Variants in CNTN6 observed in about 807,000 individuals in gnomAD.
CNTN6 encodes contactin 6.
A neutral mutation model predicts 122.8 loss-of-function variants in CNTN6; 137 were observed. The ratio of observed to expected loss-of-function variants is 1.12; its 90% CI spans 0.97 to 1.29. CNTN6 has a LOEUF of 1.29. Among genes scored for constraint, CNTN6 ranks in the 50% most tolerant of loss-of-function variants. The probability of loss-of-function intolerance (pLI) is 0.00; values close to 1 mark genes in which losing one functional copy is unlikely to be tolerated. For missense variants in CNTN6, 1,634 were observed against 1,223.4 expected (o/e 1.34, Z -5.01); for synonymous variants, 570 against 426.0 (o/e 1.34, Z -4.16).
intron 20 of CNTN6, among the ~76,000 whole-genome samples, chr3:1,395,116 A>G (rs79362259): frequency 0.024 from 3,676 of 152,146 alleles, 93 homozygotes; most frequent in Non-Finnish European, 0.035. Context: ...ATAGCCAACA[A>G]GCACCTGAGA....
intron 4 of CNTN6, among the ~76,000 whole-genome samples, chr3:1,228,335 A>C (rs1365048880): frequency 6.6e-6 from 1 of 152,082 alleles, no homozygotes; most frequent in African/African-American, 2.4e-5. Flanking sequence ...TGCAATGTGG[A>C]GAGCACAGGA....
intron 7 of CNTN6, among the ~76,000 whole-genome samples, chr3:1,300,508 A>G (rs575853497): frequency 4.2e-4 from 52 of 124,382 alleles, no homozygotes; most frequent in African/African-American, 2.0e-3. Flanking sequence ...GAAAAGAAAG[A>G]GAAAGAAAGA....
intron 1 of CNTN6, among the ~76,000 whole-genome samples, chr3:1,113,549 TAA>T (rs1370653476): frequency 2.0e-5 from 3 of 152,182 alleles, no homozygotes; most frequent in African/African-American, 7.2e-5. Flanking sequence ...AGAAGAAAGA[TAA>T]AGTCATCAAA....
At chr3:1,250,606 C>T (rs79609653) in intron 4 of CNTN6, among the ~76,000 whole-genome samples, 6,723 of 152,208 alleles carry the variant, frequency 0.044, 210 homozygotes, top group African/African-American at 0.061. Flanking sequence ...TCTTAGGTCA[C>T]CCCTCATTGC....
intron 5 of CNTN6, among the ~76,000 whole-genome samples, chr3:1,280,328 C>T (rs1373470436): frequency 1.3e-5 from 2 of 152,036 alleles, no homozygotes; most frequent in Non-Finnish European, 2.9e-5. Context: ...GTGAGGCCCT[C>T]ATTGTAACAG....
At chr3:1,289,341 G>T (rs866015157) in intron 5 of CNTN6, among the ~76,000 whole-genome samples, 7 of 152,294 alleles carry the variant, frequency 4.6e-5, no homozygotes, top group Admixed American at 1.3e-4. Context: ...GAAATACTAT[G>T]ACAGCAAAGA....
intron 16 of CNTN6, among the ~76,000 whole-genome samples, chr3:1,376,298 T>C (rs763809173): frequency 2.6e-5 from 4 of 152,072 alleles, no homozygotes; most frequent in Non-Finnish European, 5.9e-5. Flanking sequence ...TGTTAGTCCT[T>C]ACAAGGATAC....
intron 20 of CNTN6, among the ~76,000 whole-genome samples, chr3:1,386,312 A>ACTGT (rs1173153141): frequency 1.3e-5 from 2 of 152,182 alleles, no homozygotes; most frequent in Non-Finnish European, 2.9e-5. Flanking sequence ...TGATCCTACA[A>ACTGT]CTGTCAGACA....
At chr3:1,317,671 C>G (rs576134103) in intron 7 of CNTN6, among the ~76,000 whole-genome samples, 1 of 151,780 alleles carries the variant, frequency 6.6e-6, no homozygotes, top group South Asian at 2.1e-4. Context: ...ATCTCCTCTT[C>G]AAGAGCCATT....
rs2090324668 is a variant in CNTN6, at chr3:1,093,027, C to T, written c.-176C>T. 8.5e-6 allele frequency: 3 copies of T among 351,656 alleles called. No individual in the cohort carries two copies. The highest frequency in any genetic ancestry group is 4.3e-5 in the African/African-American group (2 of 46,710). 21.8% of individuals were successfully genotyped at this position (351,656 alleles called of 1,614,324 possible). On this transcript the variant is annotated 5_prime_UTR_variant, in exon 1 of 23. It adds an upstream start codon to the 5' untranslated region. Coordinates refer to ENST00000446702, the MANE Select transcript of CNTN6 (RefSeq NM_001289080.2). ...CTCCCAGCTGCATAGACATTCCATA[C>T]GGCTTGGTTCTGCCTGGACGCACAG...
At chr3:1,180,970 T>C (rs2093543457) in intron 2 of CNTN6, among the ~76,000 whole-genome samples, 1 of 152,188 alleles carries the variant, frequency 6.6e-6, no homozygotes, top group South Asian at 2.1e-4. Context: ...CTTTTTTTTC[T>C]TTGCATTTTT....
chr3:1,105,032 A>C (rs1277664466), intron 1 of CNTN6, among the ~76,000 whole-genome samples: 1 of 152,108 alleles, frequency 6.6e-6, no homozygotes, highest in Non-Finnish European at 1.5e-5. Context: ...CTTAAAAACA[A>C]ATTCCTAGTA....
At chr3:1,385,312 C>T (rs1331862256) in intron 19 of CNTN6, among the ~76,000 whole-genome samples, 2 of 152,014 alleles carry the variant, frequency 1.3e-5, no homozygotes, top group Non-Finnish European at 2.9e-5. Flanking sequence ...ACTTGTTATA[C>T]ATCATTTGCT....
At chr3:1,241,718 AC>A (rs1448813871) in intron 4 of CNTN6, among the ~76,000 whole-genome samples, 1 of 152,068 alleles carries the variant, frequency 6.6e-6, no homozygotes, top group African/African-American at 2.4e-5. Context: ...TTAGGTAAAA[AC>A]AACACTCCTC....
chr3:1,330,412 A>G (rs963351715), intron 11 of CNTN6, among the ~76,000 whole-genome samples: 3 of 151,904 alleles, frequency 2.0e-5, no homozygotes, highest in African/African-American at 4.8e-5. Context: ...GTTTCCTACC[A>G]TAATGGATAC....
intron 2 of CNTN6, among the ~76,000 whole-genome samples, chr3:1,182,473 A>G (rs2093568977): frequency 1.3e-5 from 2 of 152,184 alleles, no homozygotes; most frequent in South Asian, 4.1e-4. Context: ...TCAAAATGGT[A>G]GTATCATCCT....
chr3:1,217,059 T>C (rs1575278801), intron 2 of CNTN6, among the ~76,000 whole-genome samples: 1 of 152,196 alleles, frequency 6.6e-6, no homozygotes, highest in South Asian at 2.1e-4. Flanking sequence ...TTATAAACAA[T>C]ATATTATTAA....
chr3:1,251,233 C>T (rs1457334199), intron 4 of CNTN6, among the ~76,000 whole-genome samples: 1 of 152,154 alleles, frequency 6.6e-6, no homozygotes, highest in African/African-American at 2.4e-5. Context: ...TAAGATGACT[C>T]TTTTAAGACT....
chr3:1,194,005 G>T (rs2093739674), intron 2 of CNTN6, among the ~76,000 whole-genome samples: 1 of 151,988 alleles, frequency 6.6e-6, no homozygotes, highest in African/African-American at 2.4e-5. Context: ...TTATCCTTAT[G>T]CAGGCCCTAT....
Sources: allele counts gnomAD v4.1 joint callset (sites outside exome capture counted in the v4.1 genomes callset), GRCh38; gene constraint gnomAD v4.1.1; transcripts MANE v1.5; gene names NCBI Gene and HGNC (gene_info 2026-07-23, HGNC 2026-07-21).